MAP3K20: variants seen among roughly 807,000 people sequenced by gnomAD.
MAP3K20 encodes mitogen-activated protein kinase kinase kinase 20.
Under a neutral mutation model 85.7 loss-of-function variants are expected in MAP3K20, and 40 were observed. That is an observed-to-expected ratio of 0.47 (90% CI 0.36 to 0.61). The LOEUF (loss-of-function observed/expected upper bound fraction) is 0.61, where lower values mean the gene tolerates loss of function less well. MAP3K20 is among the 20% of genes least tolerant of loss of function. The pLI is 0.00. For missense variants in MAP3K20, 817 were observed against 961.7 expected (o/e 0.85, Z 1.99); for synonymous variants, 325 against 327.7 (o/e 0.99, Z 0.09).
chr2:173,256,119 C>T (rs1239892607), intron 16 of MAP3K20, among the ~76,000 whole-genome samples: 2 of 152,226 alleles, frequency 1.3e-5, no homozygotes, highest in African/African-American at 4.8e-5. Context: ...GCTTGGCTTG[C>T]GATTCATCTA....
chr2:173,117,441 G>C (rs2106182842), intron 2 of MAP3K20, among the ~76,000 whole-genome samples: 1 of 152,016 alleles, frequency 6.6e-6, no homozygotes, highest in African/African-American at 2.4e-5. Context: ...ATCACGCCTG[G>C]CTAATTTTAC....
intron 2 of MAP3K20, among the ~76,000 whole-genome samples, chr2:173,114,849 G>A (rs111676418): frequency 0.049 from 7,391 of 152,130 alleles, 234 homozygotes; most frequent in Non-Finnish European, 0.07. Flanking sequence ...TCTTTCCTTC[G>A]TCTTAACTTT....
At chr2:173,076,308 C>T (rs1188002271) in intron 1 of MAP3K20, among the ~76,000 whole-genome samples, 2 of 152,152 alleles carry the variant, frequency 1.3e-5, no homozygotes, top group East Asian at 3.9e-4. Flanking sequence ...AAGTTGGCGC[C>T]TGGAGGCGCG....
At chr2:173,237,172 G>A (rs932476774) in intron 14 of MAP3K20, among the ~76,000 whole-genome samples, 4 of 151,802 alleles carry the variant, frequency 2.6e-5, no homozygotes, top group Admixed American at 6.6e-5. Flanking sequence ...AATTATAGGC[G>A]CAGGCTACAC....
intron 2 of MAP3K20, among the ~76,000 whole-genome samples, chr2:173,143,293 A>G (rs1444125131): frequency 1.3e-5 from 2 of 152,218 alleles, no homozygotes; most frequent in Non-Finnish European, 2.9e-5. Flanking sequence ...AAAAGATATA[A>G]CAATCATAAA....
intron 11 of MAP3K20, among the ~76,000 whole-genome samples, chr2:173,220,906 T>G (rs374560899): frequency 5.9e-5 from 9 of 152,242 alleles, no homozygotes; most frequent in African/African-American, 2.2e-4. Context: ...CCATTTGAAA[T>G]TTGGCTTGCT....
intron 2 of MAP3K20, among the ~76,000 whole-genome samples, chr2:173,150,945 T>G (rs1019982129): frequency 2.0e-5 from 3 of 152,232 alleles, no homozygotes; most frequent in Admixed American, 6.5e-5. Context: ...GTACTTTACA[T>G]GGGAGTTTGG....
chr2:173,169,424 A>G (rs545438497), intron 2 of MAP3K20, among the ~76,000 whole-genome samples: 3 of 152,196 alleles, frequency 2.0e-5, no homozygotes, highest in Non-Finnish European at 4.4e-5. Context: ...GTAAATGTAC[A>G]TAGAAGAAAA....
chr2:173,261,104 A>G lies in MAP3K20; in HGVS notation c.1518A>G (p.Lys506=). Residue 506 remains lysine, a synonymous_variant, in exon 18 of 20, where the codon AAA becomes AAG. Transcript: ENST00000375213. The part of the protein sequence containing the change: ...VMEKWIVGIA[K]SQTVECTVTY... ...AGAAGTGGATTGTAGGAATAGCAAA[A>G]AGTCAGACTGTGGAGTGCACTGTCA... The G allele has an allele frequency of 6.2e-7, 1 of 1,613,764 alleles. No individual in the cohort carries two copies. The highest frequency in any genetic ancestry group is 8.5e-7 in the Non-Finnish European group (1 of 1,179,706).
chr2:173,174,629 C>A (rs1259181227), intron 3 of MAP3K20, among the ~76,000 whole-genome samples: 1 of 152,064 alleles, frequency 6.6e-6, no homozygotes, highest in Non-Finnish European at 1.5e-5. Context: ...GGGTTGGTTC[C>A]AAGTCATTGT....
chr2:173,206,936 T>C (rs1260768601), intron 9 of MAP3K20, among the ~76,000 whole-genome samples: 1 of 151,292 alleles, frequency 6.6e-6, no homozygotes, highest in East Asian at 1.9e-4. Context: ...CTTTCTTTTT[T>C]TTTTTTTTTA....
chr2:173,266,971 C>T lies in MAP3K20; in HGVS notation c.*221C>T, dbSNP rs935309991. 3.7e-5 allele frequency: 14 copies of T among 374,576 alleles called. No individual in the cohort carries two copies. Among genetic ancestry groups the T allele is most frequent in the Non-Finnish European group, 6.1e-5 (13 of 212,342 alleles). 23.2% of individuals were successfully genotyped at this position (374,576 alleles called of 1,614,324 possible). A position where few individuals can be genotyped will look rare whatever the true frequency, so the allele number is the denominator to read the frequency against. On this transcript the variant is annotated 3_prime_UTR_variant, in exon 20 of 20. Coordinates refer to ENST00000375213, the MANE Select transcript of MAP3K20 (RefSeq NM_016653.3). ...TCATAACTAGGCTTGAAAATCACTA[C>T]ACATATTTTCTGCCTTGAGTGAACA... is the stretch of plus-strand genomic sequence containing the variant.
chr2:173,244,778 G>A (rs774458189), intron 16 of MAP3K20, among the ~76,000 whole-genome samples: 5 of 152,192 alleles, frequency 3.3e-5, no homozygotes, highest in East Asian at 3.9e-4. Flanking sequence ...TTCCCCACAC[G>A]AAAACCTTGT....
At chr2:173,223,953 A>G (rs1050255653) in intron 11 of MAP3K20, 11 of 985,364 alleles carry the variant, frequency 1.1e-5, no homozygotes, top group Middle Eastern at 5.2e-4. Context: ...CATGGGGTTT[A>G]CAAGGCAAAG....
At chr2:173,138,932 G>T (rs573447479) in intron 2 of MAP3K20, among the ~76,000 whole-genome samples, 11 of 152,264 alleles carry the variant, frequency 7.2e-5, no homozygotes, top group African/African-American at 2.6e-4. Flanking sequence ...CAGACACTGC[G>T]AATTCTGTAT....
intron 12 of MAP3K20, among the ~76,000 whole-genome samples, chr2:173,231,213 C>G (rs1684517145): frequency 6.6e-6 from 1 of 152,224 alleles, no homozygotes; most frequent in Non-Finnish European, 1.5e-5. Flanking sequence ...CCTAGCTCAA[C>G]CTGGTTTTGG....
intron 15 of MAP3K20, 85 bp from the exon 16 acceptor site, chr2:173,239,319 A>G (rs1346352379): frequency 1.7e-6 from 2 of 1,164,214 alleles, no homozygotes; most frequent in Admixed American, 6.2e-5. Context: ...GAAAAAAAAA[A>G]AAAACTAGTG....
In MAP3K20 at chr2:173,191,170, A is replaced by G. The variant is rs1226165381; in HGVS notation, c.575A>G (p.Tyr192Cys). 2.5e-6 allele frequency: 4 copies of G among 1,613,662 alleles called. No homozygotes were observed. The highest frequency in any genetic ancestry group is 3.4e-6 in the Non-Finnish European group (4 of 1,179,836). Residue 192 changes from tyrosine to cysteine, a missense_variant, in exon 7 of 20, where the codon TAT becomes TGT. Tyr to Cys is a radical substitution (Grantham distance 194, BLOSUM62 -2). This residue lies in a region of MAP3K20 where 200 missense variants were observed against 302.7 expected (regional missense o/e 0.66). Coordinates refer to ENST00000375213, the MANE Select transcript of MAP3K20 (RefSeq NM_016653.3). The part of the protein sequence containing the change: ...PVSETCDTYS[Y>C]GVVLWEMLTR... ...TCAGAAACTTGTGACACATATTCCT[A>G]TGGTGTGGTGAGTTCATTTCTCATT...
chr2:173,229,621 G>C, intron 11 of MAP3K20, 68 bp from the exon 12 acceptor site: 2 of 1,599,254 alleles, frequency 1.3e-6, no homozygotes, highest in South Asian at 2.2e-5. Context: ...AGTGAGACAA[G>C]AGGATGAACC....
Sources: allele counts gnomAD v4.1 joint callset (sites outside exome capture counted in the v4.1 genomes callset), GRCh38; gene constraint gnomAD v4.1.1; regional missense constraint gnomAD v4.1.1; transcripts MANE v1.5; gene names NCBI Gene and HGNC (gene_info 2026-07-23, HGNC 2026-07-21).